PPP1R9A: variants seen among roughly 807,000 people sequenced by gnomAD.
The protein encoded by PPP1R9A is neurabin-1.
Under a neutral mutation model 141.9 loss-of-function variants are expected in PPP1R9A, and 59 were observed. The ratio of observed to expected loss-of-function variants is 0.42; its 90% CI spans 0.34 to 0.52. The LOEUF (loss-of-function observed/expected upper bound fraction) is 0.52, where lower values mean the gene tolerates loss of function less well. Among genes scored for constraint, PPP1R9A ranks in the 20% least tolerant of loss-of-function variants. PPP1R9A has a pLI of 0.10. For missense variants in PPP1R9A, 1,444 were observed against 1,611.9 expected (o/e 0.90, Z 1.78); for synonymous variants, 500 against 569.7 (o/e 0.88, Z 1.74).
chr7:94,986,613 T>G (rs1020316360), intron 2 of PPP1R9A, among the ~76,000 whole-genome samples: 7 of 152,342 alleles, frequency 4.6e-5, no homozygotes, highest in African/African-American at 1.7e-4. Flanking sequence ...TAGAAGATTT[T>G]GAATGTTCAC....
chr7:95,113,689 G>A (rs933099235), intron 3 of PPP1R9A, among the ~76,000 whole-genome samples: 5 of 152,146 alleles, frequency 3.3e-5, no homozygotes, highest in African/African-American at 1.2e-4. Context: ...ATCCCAGAAA[G>A]CATTTACCTA....
chr7:95,090,756 T>A (rs6977114), intron 2 of PPP1R9A, among the ~76,000 whole-genome samples: 1 of 151,588 alleles, frequency 6.6e-6, no homozygotes, highest in African/African-American at 2.4e-5. Flanking sequence ...TACAGTAAGC[T>A]GAGATCACCC....
At chr7:95,232,650 T>C (rs1199068792) in intron 8 of PPP1R9A, among the ~76,000 whole-genome samples, 1 of 152,094 alleles carries the variant, frequency 6.6e-6, no homozygotes, top group Non-Finnish European at 1.5e-5. Context: ...ATCCAGAATC[T>C]ACAAGGAACT....
At chr7:94,952,074 A>G (rs774520018) in intron 2 of PPP1R9A, among the ~76,000 whole-genome samples, 1 of 152,132 alleles carries the variant, frequency 6.6e-6, no homozygotes, top group Non-Finnish European at 1.5e-5. Context: ...CGTCACCTAC[A>G]TTAGATATTT....
intron 3 of PPP1R9A, among the ~76,000 whole-genome samples, chr7:95,119,569 G>T (rs975343754): frequency 6.6e-6 from 1 of 151,908 alleles, no homozygotes; most frequent in Non-Finnish European, 1.5e-5. Context: ...ATCCTCCCAC[G>T]TCAGCCCCCA....
At position 95,052,165 on chromosome 7, in the gene PPP1R9A, C is replaced by T. The variant is rs1424347507; in HGVS notation, c.1396-59094C>T. 3.9e-5 allele frequency among the ~76,000 whole-genome samples: 6 copies of T among 152,084 alleles called. 1 individual carries two copies. Among genetic ancestry groups the T allele is most frequent in the Non-Finnish European group, 7.4e-5 (5 of 68,022 alleles). On this transcript the variant is annotated intron_variant, in intron 2 of 19. Transcript: ENST00000433360. ...CAGATGAATTTTATAGTCATTGCCT[C>T]TCTTTACTATAAGGAAATAATAAAC... is the stretch of plus-strand genomic sequence containing the variant.
At chr7:94,984,752 A>G (rs1800586988) in intron 2 of PPP1R9A, among the ~76,000 whole-genome samples, 1 of 152,046 alleles carries the variant, frequency 6.6e-6, no homozygotes, top group Non-Finnish European at 1.5e-5. Context: ...GTAGTGGTCT[A>G]TCAATTTTGT....
rs554349991 is a variant in PPP1R9A, at chr7:94,974,418, A to C, written c.1395+62910A>C. 4.6e-5 allele frequency among the ~76,000 whole-genome samples: 7 copies of C among 152,320 alleles called. No individual in the cohort carries two copies. In the South Asian group the frequency reaches 1.4e-3, roughly 32 times the overall value. On this transcript the variant is annotated intron_variant, in intron 2 of 19. Transcript: ENST00000433360. ...GATAAGTTGAGTGTTATCTTTATATATTGCAATGAGTTTGATGACAGGACA... is the reference window on the plus strand; with the variant it reads ...GATAAGTTGAGTGTTATCTTTATATCTTGCAATGAGTTTGATGACAGGACA...
At chr7:95,111,126 T>A in intron 2 of PPP1R9A, 133 bp from the exon 3 acceptor site, 1 of 1,005,278 alleles carries the variant, frequency 9.9e-7, no homozygotes, top group Non-Finnish European at 1.4e-6. Flanking sequence ...TCTTAACATC[T>A]CAATTGATTT....
At chr7:95,260,559 A>G (rs568006614) in intron 12 of PPP1R9A, among the ~76,000 whole-genome samples, 2 of 151,940 alleles carry the variant, frequency 1.3e-5, no homozygotes, top group Non-Finnish European at 2.9e-5. Context: ...GGCACCTGTA[A>G]TCCCAGCTAC....
intron 6 of PPP1R9A, among the ~76,000 whole-genome samples, chr7:95,203,109 T>C (rs1789943666): frequency 6.6e-6 from 1 of 152,118 alleles, no homozygotes; most frequent in South Asian, 2.1e-4. Context: ...CTTTCTTTCA[T>C]AATTTGTTTT....
chr7:94,921,904 G>A (rs1792889686), intron 2 of PPP1R9A, among the ~76,000 whole-genome samples: 1 of 151,860 alleles, frequency 6.6e-6, no homozygotes, highest in Non-Finnish European at 1.5e-5. Flanking sequence ...GATTGAGGCT[G>A]CAGTGAGCTG....
intron 14 of PPP1R9A, among the ~76,000 whole-genome samples, chr7:95,269,865 C>T (rs1015090637): frequency 1.3e-5 from 2 of 152,026 alleles, no homozygotes; most frequent in Middle Eastern, 3.2e-3. Context: ...AGAATAGCAG[C>T]CCAGAGTTTC....
chr7:95,223,512 A>G (rs1233517680), intron 7 of PPP1R9A, among the ~76,000 whole-genome samples: 1 of 152,014 alleles, frequency 6.6e-6, no homozygotes, highest in Non-Finnish European at 1.5e-5. Flanking sequence ...ATGCGTTGGC[A>G]TTCTTGGATT....
chr7:95,255,356 C>G (rs562293093), intron 12 of PPP1R9A, among the ~76,000 whole-genome samples: 92 of 152,098 alleles, frequency 6.0e-4, no homozygotes, highest in African/African-American at 2.1e-3. Context: ...ATTTTGAAGG[C>G]TGGTTTGCTA....
intron 5 of PPP1R9A, among the ~76,000 whole-genome samples, chr7:95,180,174 G>T (rs1833527522): frequency 6.6e-6 from 1 of 152,094 alleles, no homozygotes; most frequent in Non-Finnish European, 1.5e-5. Flanking sequence ...TATAAAAATA[G>T]GCATATAGAC....
At chr7:95,148,204 T>G (rs1295165314) in intron 4 of PPP1R9A, among the ~76,000 whole-genome samples, 1 of 151,920 alleles carries the variant, frequency 6.6e-6, no homozygotes, top group East Asian at 1.9e-4. Context: ...ATAATAAAAA[T>G]TAGGGCAGAA....
chr7:95,265,172 T>G (rs945752821), intron 12 of PPP1R9A, among the ~76,000 whole-genome samples: 1 of 152,196 alleles, frequency 6.6e-6, no homozygotes, highest in Non-Finnish European at 1.5e-5. Flanking sequence ...TCTGCAAGTT[T>G]GCAAAGTTAG....
At chr7:95,186,203 A>G (rs1834623128) in intron 5 of PPP1R9A, among the ~76,000 whole-genome samples, 2 of 152,146 alleles carry the variant, frequency 1.3e-5, no homozygotes, top group Non-Finnish European at 1.5e-5. Flanking sequence ...GATTTCCTTC[A>G]GCAACGTTTT....
Sources: gnomAD v4.1 joint callset for allele counts (sites outside exome capture counted in the v4.1 genomes callset) on GRCh38, gnomAD v4.1.1 for gene constraint, MANE v1.5 for transcripts, NCBI Gene and HGNC (gene_info 2026-07-23, HGNC 2026-07-21) for gene names.